VANGL2: variants seen among roughly 807,000 people sequenced by gnomAD.
VANGL2 encodes vang-like protein 2.
Under a neutral mutation model 50.2 loss-of-function variants are expected in VANGL2, and 14 were observed. The ratio of observed to expected loss-of-function variants is 0.28; its 90% CI spans 0.18 to 0.44. The LOEUF is 0.44. Among genes scored for constraint, VANGL2 ranks in the 20% least tolerant of loss-of-function variants. The pLI, the probability that VANGL2 is intolerant of heterozygous loss-of-function variation, is 1.00. For missense variants in VANGL2, 533 were observed against 701.5 expected (o/e 0.76, Z 2.71); for synonymous variants, 295 against 297.2 (o/e 0.99, Z 0.08).
chr1:160,424,267 A>T lies in VANGL2; in HGVS notation c.1289A>T (p.His430Leu). 1 of 1,614,180 alleles carries T rather than the reference A, an allele frequency of 6.2e-7. No individual in the cohort carries two copies. Among genetic ancestry groups the T allele is most frequent in the Non-Finnish European group, 8.5e-7 (1 of 1,180,018 alleles). The change falls in exon 7 of 8, where the codon CAT becomes CTT. Residue 430 changes from histidine (H) to leucine (L), a missense_variant. Physicochemically the swap from His to Leu is moderately conservative, Grantham distance 99 (BLOSUM62 -3). Transcript: ENST00000368061. ...ILQHLEFCIT[H>L]DMTPKAFLER... ...CAGCACCTTGAATTCTGCATCACGCATGACATGACGCCCAAGGTAGGCCTG... is the reference window on the plus strand; with the variant it reads ...CAGCACCTTGAATTCTGCATCACGCTTGACATGACGCCCAAGGTAGGCCTG...
Position 160,424,173 on chromosome 1 carries a change from G to T in VANGL2, c.1195G>T (p.Ala399Ser), listed in dbSNP as rs1651369873. 6.2e-7 allele frequency: 1 copy of T among 1,614,054 alleles called. No homozygotes were observed. Residue 399 changes from alanine to serine, a missense_variant, in exon 7 of 8, where the codon GCC becomes TCC. Physicochemically the swap from Ala to Ser is moderately conservative, Grantham distance 99. Coordinates refer to ENST00000368061, the MANE Select transcript of VANGL2 (RefSeq NM_020335.3). Reference sequence around the variant, plus strand: ...AGCCCAAGCCATCTTTGCATCCATGGCCCGTGCCATGCAGAAGTACCTTCG... The same window carrying T: ...AGCCCAAGCCATCTTTGCATCCATGTCCCGTGCCATGCAGAAGTACCTTCG... ...EAAQAIFASM[A>S]RAMQKYLRTT... is the part of the protein sequence containing the mutation.
At position 160,427,212 on chromosome 1, in the gene VANGL2, C is replaced by T. The variant is rs1377417019; in HGVS notation, c.*1834C>T. 1.3e-5 allele frequency: 2 copies of T among 152,616 alleles called. No homozygotes were observed. The highest frequency in any genetic ancestry group is 2.9e-5 in the Non-Finnish European group (2 of 68,122). The allele number at this position is 152,616 out of a possible 1,614,324, so 9.5% of individuals were successfully genotyped here. A position where few individuals can be genotyped will look rare whatever the true frequency, so the allele number is the denominator to read the frequency against. ...TTCAAAAACTTTGTGTCAGAGAGTCCCTTCTGAGTCACATAAATACCTCAC... is the reference window on the plus strand; with the variant it reads ...TTCAAAAACTTTGTGTCAGAGAGTCTCTTCTGAGTCACATAAATACCTCAC... On this transcript the variant is annotated 3_prime_UTR_variant, in exon 8 of 8. Transcript: ENST00000368061.
chr1:160,417,987 C>T (rs1249685712), intron 3 of VANGL2, among the ~76,000 whole-genome samples: 1 of 149,966 alleles, frequency 6.7e-6, no homozygotes, highest in Non-Finnish European at 1.5e-5. Context: ...TCTCTGCTCA[C>T]CACAACCTCC....
At chr1:160,403,702 T>C (rs549198247) in intron 1 of VANGL2, among the ~76,000 whole-genome samples, 4 of 152,340 alleles carry the variant, frequency 2.6e-5, no homozygotes, top group Non-Finnish European at 5.9e-5. Context: ...GTTCATCACA[T>C]TGTGAGGCCA....
chr1:160,421,168 G>A lies in VANGL2; in HGVS notation c.1054G>A (p.Val352Met), dbSNP rs1252336477. The A allele has an allele frequency of 6.2e-7, 1 of 1,613,622 alleles. No individual in the cohort carries two copies. Among genetic ancestry groups the A allele is most frequent in the Non-Finnish European group, 8.5e-7 (1 of 1,180,064 alleles). ...YYEEAEHERR[V>M]RKRRARLVVA... Reference sequence around the variant, plus strand: ...TGAGGAGGCTGAGCATGAGCGAAGGGTGCGCAAGAGGAGGGCCAGGTGGGT... The same window carrying A: ...TGAGGAGGCTGAGCATGAGCGAAGGATGCGCAAGAGGAGGGCCAGGTGGGT... Residue 352 changes from valine to methionine, a missense_variant, in exon 6 of 8, where the codon GTG becomes ATG. Val to Met is a conservative substitution (Grantham distance 21). Transcript: ENST00000368061.
At chr1:160,418,974 T>C in intron 3 of VANGL2, 28 bp from the exon 4 acceptor site, 2 of 1,592,982 alleles carry the variant, frequency 1.3e-6, no homozygotes, top group Non-Finnish European at 1.7e-6. Flanking sequence ...TCCTCCTTAT[T>C]GTGTGGCTGG....
intron 6 of VANGL2, among the ~76,000 whole-genome samples, chr1:160,421,790 G>T (rs977947083): frequency 5.9e-5 from 9 of 152,110 alleles, no homozygotes; most frequent in Admixed American, 5.2e-4. Context: ...GTGGGGTAGG[G>T]ACCCAATAAA....
chr1:160,409,900 T>C (rs1650813952), intron 1 of VANGL2, among the ~76,000 whole-genome samples: 1 of 152,154 alleles, frequency 6.6e-6, no homozygotes, highest in South Asian at 2.1e-4. Flanking sequence ...CTTGGCACTA[T>C]GGATGGTGAT....
intron 1 of VANGL2, among the ~76,000 whole-genome samples, chr1:160,409,149 C>G (rs1473775236): frequency 6.6e-6 from 1 of 152,186 alleles, no homozygotes; most frequent in Non-Finnish European, 1.5e-5. Context: ...TGTCGTGGCC[C>G]TCTTGCAGTT....
At chr1:160,421,267 G>T in intron 6 of VANGL2, 80 bp downstream of exon 6, 1 of 1,567,732 alleles carries the variant, frequency 6.4e-7, no homozygotes, top group South Asian at 1.1e-5. Context: ...TTCTGTAACT[G>T]CTGGAAATAT....
intron 1 of VANGL2, among the ~76,000 whole-genome samples, chr1:160,403,195 ATAGT>A (rs994074045): frequency 2.0e-5 from 3 of 150,552 alleles, no homozygotes; most frequent in East Asian, 1.9e-4. Context: ...CACCTGTCTG[ATAGT>A]TAGGGCTCCC....
rs984288108 is a variant in VANGL2 at position 160,421,087 on chromosome 1, G to C, written c.973G>C (p.Ala325Pro). The C allele has an allele frequency of 6.2e-7, 1 of 1,614,172 alleles. No individual in the cohort carries two copies. The highest frequency in any genetic ancestry group is 1.1e-5 in the South Asian group (1 of 91,084). ...CAACAACTCCACTGGCCAGTCTCGGGCTGTGATTGCAGCGGCAGCTCGGAG... is the reference window on the plus strand; with the variant it reads ...CAACAACTCCACTGGCCAGTCTCGGCCTGTGATTGCAGCGGCAGCTCGGAG... ...STNNSTGQSR[A>P]VIAAAARRRD... Residue 325 changes from alanine to proline, a missense_variant, in exon 6 of 8, where the codon GCT becomes CCT. Coordinates refer to ENST00000368061, the MANE Select transcript of VANGL2 (RefSeq NM_020335.3).
At chr1:160,418,876 TC>T in intron 3 of VANGL2, 125 bp from the exon 4 acceptor site, 1 of 1,235,484 alleles carries the variant, frequency 8.1e-7, no homozygotes, top group Non-Finnish European at 1.1e-6. Flanking sequence ...CTCTCTTCTT[TC>T]TGCCTTCTCC....
At chr1:160,411,395 TC>T (rs910610848) in intron 1 of VANGL2, among the ~76,000 whole-genome samples, 2 of 151,024 alleles carry the variant, frequency 1.3e-5, no homozygotes, top group African/African-American at 4.9e-5. Flanking sequence ...AGCCATCCCC[TC>T]CCCCCATCTC....
In VANGL2 at chr1:160,426,954, G is replaced by A. The variant is rs1395018014; in HGVS notation, c.*1576G>A. 6.6e-6 allele frequency: 1 copy of A among 152,464 alleles called. No individual in the cohort carries two copies. The highest frequency in any genetic ancestry group is 1.9e-4 in the East Asian group (1 of 5,192). The allele number at this position is 152,464 out of a possible 1,614,324, so 9.4% of individuals were successfully genotyped here. On this transcript the variant is annotated 3_prime_UTR_variant, in exon 8 of 8. Transcript: ENST00000368061. ...GAGGCTCCCCCTCTGTGTAGCACCA[G>A]CCCTGGGAATGATGGAGCCTAGTGA...
At chr1:160,417,263 T>C (rs550038308) in intron 3 of VANGL2, among the ~76,000 whole-genome samples, 2 of 152,292 alleles carry the variant, frequency 1.3e-5, no homozygotes, top group Admixed American at 1.3e-4. Context: ...TAATCACTGG[T>C]GCTGTCGGGC....
intron 1 of VANGL2, among the ~76,000 whole-genome samples, chr1:160,403,615 A>T (rs1650557033): frequency 6.6e-6 from 1 of 152,040 alleles, no homozygotes; most frequent in African/African-American, 2.4e-5. Flanking sequence ...TGACTAACAG[A>T]AGCTTTGGCA....
chr1:160,409,704 C>T (rs1200601417), intron 1 of VANGL2, among the ~76,000 whole-genome samples: 1 of 152,240 alleles, frequency 6.6e-6, no homozygotes, highest in East Asian at 1.9e-4. Flanking sequence ...TCTCGAGTCT[C>T]TGCTCTGCCT....
chr1:160,423,990 G>A, intron 6 of VANGL2, 62 bp from the exon 7 acceptor site: 1 of 1,582,898 alleles, frequency 6.3e-7, no homozygotes, highest in East Asian at 2.2e-5. Context: ...GGAGCTAGGG[G>A]AGAGGGGTGG....
Sources: allele counts gnomAD v4.1 joint callset (sites outside exome capture counted in the v4.1 genomes callset), GRCh38; gene constraint gnomAD v4.1.1; transcripts MANE v1.5; gene names NCBI Gene and HGNC (gene_info 2026-07-23, HGNC 2026-07-21).